The following RPS6KA2 variants were observed in gnomAD, a reference collection of about 807,000 sequenced individuals.
RPS6KA2 encodes the protein ribosomal protein S6 kinase A2.
RPS6KA2 carries 42 observed loss-of-function variants against 91.8 expected under a neutral mutation model. The ratio of observed to expected loss-of-function variants is 0.46; its 90% CI spans 0.36 to 0.59. The LOEUF (loss-of-function observed/expected upper bound fraction) is 0.59. RPS6KA2 is among the 20% of genes least tolerant of loss of function. The pLI is 0.00. For synonymous variants in RPS6KA2, 414 were observed against 393.6 expected, an observed-to-expected ratio of 1.05 and a Z score of -0.61; for missense variants, 798 against 978.5, an observed-to-expected ratio of 0.82 and a Z score of 2.46.
chr6:166,802,735 C>A (rs6923398), intron 2 of RPS6KA2, among the ~76,000 whole-genome samples: 1 of 152,000 alleles, frequency 6.6e-6, no homozygotes, highest in Non-Finnish European at 1.5e-5. Flanking sequence ...ATTCCTCGGA[C>A]GAAACTACAT....
At chr6:166,550,877 T>C (rs1436917803) in intron 1 of RPS6KA2, among the ~76,000 whole-genome samples, 2 of 151,558 alleles carry the variant, frequency 1.3e-5, no homozygotes, top group South Asian at 2.1e-4. Flanking sequence ...GGCGGGCGCC[T>C]GTAGTCCCAG....
At chr6:166,514,212 C>T (rs1436377868) in intron 3 of RPS6KA2, among the ~76,000 whole-genome samples, 1 of 152,226 alleles carries the variant, frequency 6.6e-6, no homozygotes, top group East Asian at 1.9e-4. Flanking sequence ...CTGGCCCACT[C>T]CTTTCCCATC....
intron 1 of RPS6KA2, among the ~76,000 whole-genome samples, chr6:166,546,351 C>T (rs891200000): frequency 3.3e-5 from 5 of 152,128 alleles, no homozygotes; most frequent in African/African-American, 1.2e-4. Flanking sequence ...GGGCTGAATA[C>T]ATCTGTATTA....
At chr6:166,763,839 C>T (rs943744511) in intron 2 of RPS6KA2, among the ~76,000 whole-genome samples, 7 of 152,182 alleles carry the variant, frequency 4.6e-5, no homozygotes, top group African/African-American at 1.7e-4. Flanking sequence ...CAGAGCTGTG[C>T]CTGTCCGTGT....
chr6:166,681,921 G>A (rs746401411), intron 2 of RPS6KA2, among the ~76,000 whole-genome samples: 18 of 151,936 alleles, frequency 1.2e-4, no homozygotes, highest in Non-Finnish European at 2.2e-4. Flanking sequence ...TGTGAGTCTC[G>A]ACACCACCCA....
intron 2 of RPS6KA2, among the ~76,000 whole-genome samples, chr6:166,777,763 T>A (rs1299117849): frequency 6.6e-6 from 1 of 152,086 alleles, no homozygotes; most frequent in African/African-American, 2.4e-5. Context: ...AGGTTATGGA[T>A]GGAAAAGTAA....
chr6:166,547,591 T>C (rs1305474377), intron 1 of RPS6KA2, among the ~76,000 whole-genome samples: 2 of 152,234 alleles, frequency 1.3e-5, no homozygotes, highest in East Asian at 3.8e-4. Flanking sequence ...GAGGATGTGC[T>C]AGAAGATCAG....
rs960918924 is a variant in RPS6KA2, at chr6:166,746,601, G to A, written c.123+111599C>T. 2.4e-4 allele frequency among the ~76,000 whole-genome samples: 36 copies of A among 152,332 alleles called. 1 individual carries two copies. Among genetic ancestry groups the A allele is most frequent in the Non-Finnish European group, 2.9e-5 (2 of 68,036 alleles). ...TCAGATTCCACAAGTTGAGGGCTCA[G>A]TCCCAGAAGGCTACCCCTCACTTCA... On this transcript the variant is annotated intron_variant, in intron 2 of 21. Coordinates refer to the RPS6KA2 transcript ENST00000503859.
intron 2 of RPS6KA2, among the ~76,000 whole-genome samples, chr6:166,667,477 C>T (rs918671152): frequency 6.6e-6 from 1 of 152,166 alleles, no homozygotes; most frequent in African/African-American, 2.4e-5. Flanking sequence ...CTGTTGATAC[C>T]TTGTGCCTGC....
intron 2 of RPS6KA2, among the ~76,000 whole-genome samples, chr6:166,656,821 C>T (rs1265280763): frequency 6.6e-6 from 1 of 152,196 alleles, no homozygotes; most frequent in African/African-American, 2.4e-5. Context: ...CTCCCAGGGC[C>T]GTTGTCCAGA....
intron 1 of RPS6KA2, among the ~76,000 whole-genome samples, chr6:166,551,738 GC>G (rs1300004713): frequency 6.6e-6 from 1 of 152,116 alleles, no homozygotes. Context: ...GGCCTCACCA[GC>G]CCACCAGGCA....
chr6:166,600,366 G>A (rs1443668320), intron 1 of RPS6KA2, among the ~76,000 whole-genome samples: 1 of 152,228 alleles, frequency 6.6e-6, no homozygotes, highest in African/African-American at 2.4e-5. Context: ...CAGAGACGAT[G>A]TCTGTCTTAT....
chr6:166,845,161 T>A (rs1780575701), intron 2 of RPS6KA2, among the ~76,000 whole-genome samples: 2 of 152,224 alleles, frequency 1.3e-5, no homozygotes, highest in East Asian at 3.9e-4. Flanking sequence ...CAGGAAAATA[T>A]CACAATCCTA....
intron 2 of RPS6KA2, among the ~76,000 whole-genome samples, chr6:166,727,711 C>A (rs1014878657): frequency 6.6e-6 from 1 of 152,132 alleles, no homozygotes; most frequent in South Asian, 2.1e-4. Context: ...AATATCAGCA[C>A]CTTAAGGCAC....
intron 1 of RPS6KA2, among the ~76,000 whole-genome samples, chr6:166,579,083 C>T (rs770070477): frequency 5.3e-5 from 8 of 152,264 alleles, no homozygotes; most frequent in African/African-American, 1.9e-4. Flanking sequence ...AAAAACAAGC[C>T]GGAATGAGAA....
chr6:166,803,631 C>A (rs707767), intron 2 of RPS6KA2, among the ~76,000 whole-genome samples: 59,885 of 152,080 alleles, frequency 0.39, 13,057 homozygotes, highest in East Asian at 0.55. Flanking sequence ...CTGACTAATT[C>A]GGATTTCAGC....
Position 166,410,083 on chromosome 6 carries a change from G to C in RPS6KA2, c.*2679C>G, listed in dbSNP as rs530585533. 1 of 152,182 alleles carries C rather than the reference G, an allele frequency of 6.6e-6. No homozygotes were observed. Among genetic ancestry groups the C allele is most frequent in the South Asian group, 2.1e-4 (1 of 4,818 alleles). 9.4% of individuals were successfully genotyped at this position (152,182 alleles called of 1,614,324 possible). A position where few individuals can be genotyped will look rare whatever the true frequency, so the allele number is the denominator to read the frequency against. On this transcript the variant is annotated 3_prime_UTR_variant, in exon 21 of 21. Transcript: ENST00000265678. ...GCTGCCAGGGAAGGAGGACCCTATAGGGTGGCCAGCAAGGGGCCACTGGCG... is the reference window on the plus strand; with the variant it reads ...GCTGCCAGGGAAGGAGGACCCTATACGGTGGCCAGCAAGGGGCCACTGGCG...
chr6:166,490,573 C>T lies in RPS6KA2; in HGVS notation c.818+98G>A. The T allele has an allele frequency of 1.2e-6, 1 of 828,220 alleles. No individual in the cohort carries two copies. The highest frequency in any genetic ancestry group is 2.2e-5 in the Admixed American group (1 of 46,380). The allele number at this position is 828,220 out of a possible 1,614,324, so 51.3% of individuals were successfully genotyped here. A position where few individuals can be genotyped will look rare whatever the true frequency, so the allele number is the denominator to read the frequency against. On this transcript the variant is annotated intron_variant, in intron 9 of 20. Transcript: ENST00000265678. The surrounding 1 kb of genome is among the most constrained non-coding windows in gnomAD (Gnocchi z 4.2). ...CAATACTTTGGCACTGTAAGCCTAG[C>T]AATGTAATTAAAACTTCACAGTTCC...
In RPS6KA2 at chr6:166,423,021, CT is replaced by C. The variant is rs1294325261; in HGVS notation, c.1743+234del. On this transcript the variant is annotated intron_variant, in intron 17 of 20. Transcript: ENST00000265678. This position sits in a 1 kb window ranked among gnomAD's most constrained non-coding sequence, Gnocchi z 4.8. ...AAGACAATTTTACATAAAAATGTTA[CT>C]GTTGAAAAGTTTTTTCAAATGGGAA... 5.9e-5 allele frequency among the ~76,000 whole-genome samples: 9 copies of C among 152,200 alleles called. No homozygotes were observed. Among genetic ancestry groups the C allele is most frequent in the African/African-American group, 1.9e-4 (8 of 41,422 alleles).
Sources: gnomAD v4.1 joint callset for allele counts (sites outside exome capture counted in the v4.1 genomes callset) on GRCh38, gnomAD v4.1.1 for gene constraint, Gnocchi (gnomAD v3.1) non-coding constraint, MANE v1.5 for transcripts, NCBI Gene and HGNC (gene_info 2026-07-23, HGNC 2026-07-21) for gene names.